Variants in WDTC1 observed in about 807,000 individuals in gnomAD.
WDTC1 encodes the protein WD and tetratricopeptide repeats 1, also known as WD and tetratricopeptide repeats protein 1.
A neutral mutation model predicts 76.0 loss-of-function variants in WDTC1; 12 were observed. The ratio of observed to expected loss-of-function variants is 0.16; its 90% CI spans 0.10 to 0.26. The LOEUF is 0.26. Among genes scored for constraint, WDTC1 ranks in the 10% least tolerant of loss-of-function variants. The probability of loss-of-function intolerance (pLI) is 1.00; values close to 1 mark genes in which losing one functional copy is unlikely to be tolerated. For synonymous variants in WDTC1, 326 were observed against 350.8 expected, an observed-to-expected ratio of 0.93 and a Z score of 0.79; for missense variants, 511 against 908.8, an observed-to-expected ratio of 0.56 and a Z score of 5.63.
In WDTC1 at chr1:27,303,752, T is replaced by G. The variant is rs755238963; in HGVS notation, c.1600T>G (p.Cys534Gly). ...CTATCAGTTCCGCTACTGCGGCCAC[T>G]GCAACACCACCACGGATATCAAAGA... ...YDYQFRYCGH[C>G]NTTTDIKEAN... is the part of the protein sequence containing the mutation. Residue 534 changes from cysteine (C) to glycine (G), a missense_variant, in exon 14 of 16, where the codon TGC becomes GGC. Cys to Gly is a radical substitution (Grantham distance 159). Transcript: ENST00000319394. The surrounding 1 kb of genome is among the most constrained non-coding windows in gnomAD (Gnocchi z 4.8). 6.2e-7 allele frequency: 1 copy of G among 1,614,050 alleles called. No homozygotes were observed. The highest frequency in any genetic ancestry group is 8.5e-7 in the Non-Finnish European group (1 of 1,179,970).
In WDTC1 at chr1:27,287,728, G is replaced by C. The variant is rs769721949; in HGVS notation, c.346G>C (p.Val116Leu). 1 of 1,614,088 alleles carries C rather than the reference G, an allele frequency of 6.2e-7. No homozygotes were observed. Among genetic ancestry groups the C allele is most frequent in the Non-Finnish European group, 8.5e-7 (1 of 1,180,006 alleles). ...GATCACGGGGGCAGCCGACTCTAAGGTGCATGTGCACGACCTGACAGTAAA... is the reference window on the plus strand; with the variant it reads ...GATCACGGGGGCAGCCGACTCTAAGCTGCATGTGCACGACCTGACAGTAAA... Reference protein sequence around the residue: ...ILITGAADSKVHVHDLTVKET... With the variant: ...ILITGAADSKLHVHDLTVKET... Residue 116 changes from valine (V) to leucine (L), a missense_variant, in exon 6 of 16, where the codon GTG becomes CTG. Val to Leu is a conservative substitution (Grantham distance 32, BLOSUM62 1). Coordinates refer to ENST00000319394, the MANE Select transcript of WDTC1 (RefSeq NM_001276252.2).
chr1:27,267,348 C>T (rs2012708389), intron 3 of WDTC1, among the ~76,000 whole-genome samples: 1 of 151,644 alleles, frequency 6.6e-6, no homozygotes, highest in Admixed American at 6.6e-5. Flanking sequence ...TGGGCTGAAG[C>T]AGTTCTTGTG....
At chr1:27,244,324 CTTTCT>C (rs969868401) in intron 1 of WDTC1, among the ~76,000 whole-genome samples, 1 of 152,010 alleles carries the variant, frequency 6.6e-6, no homozygotes, top group Non-Finnish European at 1.5e-5. Context: ...TATGCTCTTT[CTTTCT>C]TTTGTTTTGT....
Position 27,268,871 on chromosome 1 carries a change from C to T in WDTC1, c.132+5636C>T, listed in dbSNP as rs1218385137. ...CTGGGACTACAGGTGCACGCCACCA[C>T]ACCCAGCTAATTTTTGTATTTTTAG... On this transcript the variant is annotated intron_variant, in intron 3 of 15. Coordinates refer to ENST00000319394, the MANE Select transcript of WDTC1 (RefSeq NM_001276252.2). Among the ~76,000 whole-genome samples the T allele has an allele frequency of 9.3e-5, 14 of 151,084 alleles. No individual in the cohort carries two copies. In the East Asian group the frequency reaches 9.9e-4, roughly 11 times the overall value.
At chr1:27,269,605 T>TG (rs1491507817) in intron 3 of WDTC1, among the ~76,000 whole-genome samples, 7 of 99,440 alleles carry the variant, frequency 7.0e-5, no homozygotes, top group South Asian at 4.0e-4. Context: ...TTTTGTTTTT[T>TG]GTTTTTTTTT....
intron 11 of WDTC1, among the ~76,000 whole-genome samples, chr1:27,297,467 C>T (rs942296927): frequency 2.0e-5 from 3 of 152,190 alleles, no homozygotes; most frequent in East Asian, 3.8e-4. Context: ...AATGGGCCTC[C>T]GCATTATATT....
At chr1:27,246,885 G>A (rs1234559960) in intron 1 of WDTC1, among the ~76,000 whole-genome samples, 45 of 96,268 alleles carry the variant, frequency 4.7e-4, no homozygotes, top group African/African-American at 1.7e-3. Flanking sequence ...TTTTTTTTTC[G>A]AAACAGGGTC....
At chr1:27,273,206 C>CT (rs57130485) in intron 3 of WDTC1, among the ~76,000 whole-genome samples, 84,129 of 103,908 alleles carry the variant, frequency 0.81, 35,245 homozygotes, top group South Asian at 0.93. Flanking sequence ...TTTTTCTTTT[C>CT]TTTTTTTTTT....
chr1:27,294,486 C>T, intron 8 of WDTC1, 28 bp from the exon 9 acceptor site: 1 of 1,599,694 alleles, frequency 6.3e-7, no homozygotes, highest in Non-Finnish European at 8.6e-7. Context: ...GGACTGGGAC[C>T]CTAGTATGAC....
In WDTC1 at chr1:27,297,126, T is replaced by A. The variant is rs374404380; in HGVS notation, c.1028T>A (p.Phe343Tyr). The change falls in exon 11 of 16, where the codon TTC becomes TAC. Residue 343 changes from phenylalanine to tyrosine, a missense_variant. Transcript: ENST00000319394. ...SNGLHLHSNG[F>Y]RLPESRGHVS... ...GGCCTGCACCTTCATAGCAATGGCT[T>A]CCGGCTGCCGGAGAGTAGGGGACAT... 1.9e-5 allele frequency: 30 copies of A among 1,613,258 alleles called. No individual in the cohort carries two copies. Among genetic ancestry groups the A allele is most frequent in the Non-Finnish European group, 2.3e-5 (27 of 1,179,638 alleles).
chr1:27,274,197 G>A lies in WDTC1; in HGVS notation c.133-8042G>A, dbSNP rs983371847. 6.6e-6 allele frequency among the ~76,000 whole-genome samples: 1 copy of A among 151,972 alleles called. No individual in the cohort carries two copies. The highest frequency in any genetic ancestry group is 2.4e-5 in the African/African-American group (1 of 41,354). Reference sequence around the variant, plus strand: ...TCCCAGCTACTAGGGAGTCTAACATGGGAGGATTGCTTGAGCCTAGGAGGT... The same window carrying A: ...TCCCAGCTACTAGGGAGTCTAACATAGGAGGATTGCTTGAGCCTAGGAGGT... On this transcript the variant is annotated intron_variant, in intron 3 of 15. Transcript: ENST00000319394. This position sits in a 1 kb window ranked among gnomAD's most constrained non-coding sequence, Gnocchi z 4.2.
rs773565380 is a variant in WDTC1 at position 27,301,205 on chromosome 1, C to T, written c.1233-21C>T. 10 of 1,609,510 alleles carry T rather than the reference C, an allele frequency of 6.2e-6. No homozygotes were observed. Among genetic ancestry groups the T allele is most frequent in the East Asian group, 4.5e-5 (2 of 44,784 alleles). On this transcript the variant is annotated intron_variant, in intron 12 of 15. Coordinates refer to ENST00000319394, the MANE Select transcript of WDTC1 (RefSeq NM_001276252.2). The surrounding 1 kb of genome is among the most constrained non-coding windows in gnomAD (Gnocchi z 5.8). ...TTGCCACGTGGCTCCACCTCCAAGC[C>T]GCTCTTCCCTGCCTTCCCAGGGATG...
intron 3 of WDTC1, among the ~76,000 whole-genome samples, chr1:27,264,160 T>C (rs901982400): frequency 6.6e-6 from 1 of 152,102 alleles, no homozygotes; most frequent in African/African-American, 2.4e-5. Flanking sequence ...TGGTGGTGCA[T>C]GCCTGTAATC....
chr1:27,254,087 A>G lies in WDTC1; in HGVS notation c.-99-6869A>G, dbSNP rs569094265. ...ACCTTTTAAATAATCTCTACTTAGA[A>G]GTGTTTCCAGTTTTAAAAACAAAAA... is the stretch of plus-strand genomic sequence containing the variant. On this transcript the variant is annotated intron_variant, in intron 1 of 15. Coordinates refer to ENST00000319394, the MANE Select transcript of WDTC1 (RefSeq NM_001276252.2). Among the ~76,000 whole-genome samples, 8 of 152,306 alleles carry G rather than the reference A, an allele frequency of 5.3e-5. No homozygotes were observed. In the East Asian group the frequency reaches 1.5e-3, roughly 29 times the overall value.
chr1:27,305,463 C>T lies in WDTC1; in HGVS notation c.1836+270C>T, dbSNP rs890714727. On this transcript the variant is annotated intron_variant, in intron 15 of 15. Transcript: ENST00000319394. This position sits in a 1 kb window ranked among gnomAD's most constrained non-coding sequence, Gnocchi z 4.6. Reference sequence around the variant, plus strand: ...TAAGTTTGAATCCAGTCTCCTCACTCGCTGCCTGAGAGACTTCACCATCTC... The same window carrying T: ...TAAGTTTGAATCCAGTCTCCTCACTTGCTGCCTGAGAGACTTCACCATCTC... Among the ~76,000 whole-genome samples the T allele has an allele frequency of 2.0e-5, 3 of 152,188 alleles. No homozygotes were observed. The highest frequency in any genetic ancestry group is 2.9e-5 in the Non-Finnish European group (2 of 68,028).
intron 6 of WDTC1, among the ~76,000 whole-genome samples, chr1:27,289,435 G>A (rs2013460676): frequency 6.6e-6 from 1 of 151,354 alleles, no homozygotes; most frequent in African/African-American, 2.4e-5. Context: ...TGGGCGGCCG[G>A]GCAGAGACGC....
chr1:27,260,134 T>G (rs2012428606), intron 1 of WDTC1, among the ~76,000 whole-genome samples: 1 of 152,192 alleles, frequency 6.6e-6, no homozygotes, highest in African/African-American at 2.4e-5. Context: ...AGATGGAGTC[T>G]CGCTCTGTCG....
chr1:27,237,751 A>G (rs1290785111), intron 1 of WDTC1, among the ~76,000 whole-genome samples: 1 of 150,678 alleles, frequency 6.6e-6, no homozygotes, highest in African/African-American at 2.4e-5. Context: ...CTCAGGAGGG[A>G]TTTTCCTACT....
chr1:27,242,468 C>CT (rs1557474713), intron 1 of WDTC1, among the ~76,000 whole-genome samples: 1 of 151,858 alleles, frequency 6.6e-6, no homozygotes, highest in Non-Finnish European at 1.5e-5. Context: ...TAGACCCTGT[C>CT]TCTTTTTTTT....
Sources: gnomAD v4.1 joint callset for allele counts (sites outside exome capture counted in the v4.1 genomes callset) on GRCh38, gnomAD v4.1.1 for gene constraint, Gnocchi (gnomAD v3.1) non-coding constraint, MANE v1.5 for transcripts, NCBI Gene and HGNC (gene_info 2026-07-23, HGNC 2026-07-21) for gene names.